TLN2: variants seen among roughly 807,000 people sequenced by gnomAD.
TLN2 encodes talin-2.
TLN2 carries 118 observed loss-of-function variants against 294.7 expected under a neutral mutation model. That is an observed-to-expected ratio of 0.40 (90% CI 0.34 to 0.47). The LOEUF (loss-of-function observed/expected upper bound fraction) is 0.47, where lower values mean the gene tolerates loss of function less well. Ranked by LOEUF, TLN2 falls within the 20% of genes least tolerant of loss-of-function variation. The pLI is 0.84. For synonymous variants in TLN2, 1,431 were observed against 1,304.5 expected, an observed-to-expected ratio of 1.10 and a Z score of -2.09; for missense variants, 3,083 against 3,282.2, an observed-to-expected ratio of 0.94 and a Z score of 1.48.
At chr15:62,571,924 C>T (rs2043897196) in intron 1 of TLN2, among the ~76,000 whole-genome samples, 1 of 152,212 alleles carries the variant, frequency 6.6e-6, no homozygotes, top group African/African-American at 2.4e-5. Flanking sequence ...ATCTTGTGGT[C>T]TATCCTGTAA....
chr15:62,799,533 G>T (rs922407871), intron 48 of TLN2, among the ~76,000 whole-genome samples: 6 of 152,190 alleles, frequency 3.9e-5, no homozygotes, highest in African/African-American at 1.4e-4. Context: ...GTTTATGTGG[G>T]AACGTACCTG....
intron 1 of TLN2, chr15:62,561,617 A>C (rs1382363257): frequency 6.6e-6 from 1 of 152,248 alleles, no homozygotes; most frequent in Non-Finnish European, 1.5e-5. Flanking sequence ...TCCAAGCACT[A>C]ATGAGCCAAG....
intron 3 of TLN2, among the ~76,000 whole-genome samples, chr15:62,633,292 C>G (rs2050085122): frequency 6.6e-6 from 1 of 152,134 alleles, no homozygotes; most frequent in Admixed American, 6.5e-5. Flanking sequence ...TGCATCTATG[C>G]TTATATTTGT....
intron 1 of TLN2, among the ~76,000 whole-genome samples, chr15:62,426,163 T>G (rs2034695495): frequency 6.6e-6 from 1 of 152,176 alleles, no homozygotes; most frequent in Admixed American, 6.5e-5. Flanking sequence ...CATGGGGTGG[T>G]GTCCTAGAGG....
intron 9 of TLN2, among the ~76,000 whole-genome samples, chr15:62,670,767 T>C (rs2055306037): frequency 6.6e-6 from 1 of 152,242 alleles, no homozygotes; most frequent in Non-Finnish European, 1.5e-5. Context: ...GCTGTGAACG[T>C]TTGTGTACAA....
chr15:62,451,110 G>C (rs2036117235), intron 1 of TLN2, among the ~76,000 whole-genome samples: 2 of 152,004 alleles, frequency 1.3e-5, no homozygotes, highest in African/African-American at 4.8e-5. Flanking sequence ...CACTGTGCCT[G>C]ACCTGCCTGG....
chr15:62,575,006 T>C (rs969750516), intron 1 of TLN2, among the ~76,000 whole-genome samples: 2 of 152,142 alleles, frequency 1.3e-5, no homozygotes, highest in Non-Finnish European at 2.9e-5. Flanking sequence ...TCTGAAATCA[T>C]CTGAAAGTTT....
At chr15:62,484,488 C>T (rs571357290) in intron 1 of TLN2, among the ~76,000 whole-genome samples, 11 of 151,928 alleles carry the variant, frequency 7.2e-5, no homozygotes, top group East Asian at 3.9e-4. Context: ...TGCAGTGGCG[C>T]GATCTCGGCT....
chr15:62,557,887 A>C (rs924316807), intron 1 of TLN2, among the ~76,000 whole-genome samples: 1 of 152,200 alleles, frequency 6.6e-6, no homozygotes, highest in African/African-American at 2.4e-5. Context: ...GTGTGCCTAA[A>C]AGCCACAAGC....
At chr15:62,790,215 C>T (rs1262842801) in intron 45 of TLN2, among the ~76,000 whole-genome samples, 1 of 152,192 alleles carries the variant, frequency 6.6e-6, no homozygotes, top group Non-Finnish European at 1.5e-5. Context: ...CACTCAGTCT[C>T]ATTTTTGGCT....
chr15:62,608,421 C>T (rs145483445), intron 2 of TLN2, among the ~76,000 whole-genome samples: 123 of 152,206 alleles, frequency 8.1e-4, no homozygotes, highest in Admixed American at 1.6e-3. Context: ...GTGGAGAGTA[C>T]ACTGAAGAGC....
chr15:62,554,544 T>G (rs908581907), intron 1 of TLN2, among the ~76,000 whole-genome samples: 3 of 151,926 alleles, frequency 2.0e-5, no homozygotes, highest in Non-Finnish European at 4.4e-5. Flanking sequence ...ATAAGTCAGA[T>G]AAATCCTTTC....
intron 1 of TLN2, among the ~76,000 whole-genome samples, chr15:62,577,273 A>G (rs1159685143): frequency 6.6e-6 from 1 of 152,000 alleles, no homozygotes; most frequent in Non-Finnish European, 1.5e-5. Context: ...GAGAAACCCC[A>G]TCTCTACTAA....
intron 28 of TLN2, among the ~76,000 whole-genome samples, chr15:62,735,086 A>C (rs1468156097): frequency 2.6e-5 from 4 of 152,360 alleles, no homozygotes; most frequent in Admixed American, 2.6e-4. Flanking sequence ...TACTGCAAAG[A>C]GCACTATAAA....
intron 3 of TLN2, among the ~76,000 whole-genome samples, chr15:62,624,389 C>G (rs534341562): frequency 1.5e-4 from 23 of 152,314 alleles, no homozygotes; most frequent in African/African-American, 4.3e-4. Flanking sequence ...CCGACTGAAT[C>G]CCATCCTAGG....
chr15:62,542,513 A>G (rs565335743), intron 1 of TLN2, among the ~76,000 whole-genome samples: 2 of 152,198 alleles, frequency 1.3e-5, no homozygotes, highest in South Asian at 2.1e-4. Context: ...TCAGACCACA[A>G]TTGACTGCAG....
At position 62,840,953 on chromosome 15, in the gene TLN2, G is replaced by T; in HGVS notation, c.*343G>T. 5.1e-6 allele frequency: 1 copy of T among 194,912 alleles called. No individual in the cohort carries two copies. Among genetic ancestry groups the T allele is most frequent in the Non-Finnish European group, 1.0e-5 (1 of 96,450 alleles). The allele number at this position is 194,912 out of a possible 1,614,324, so 12.1% of individuals were successfully genotyped here. On this transcript the variant is annotated 3_prime_UTR_variant, in exon 59 of 59. Coordinates refer to ENST00000636159, the MANE Select transcript of TLN2 (RefSeq NM_015059.3). ...TGGCTTTTGTTGGTCCTTCTCTTAGGCCTGCTCCTGGACCTCTTTATGATA... is the reference window on the plus strand; with the variant it reads ...TGGCTTTTGTTGGTCCTTCTCTTAGTCCTGCTCCTGGACCTCTTTATGATA...
chr15:62,514,821 T>C (rs2040105790), intron 1 of TLN2, among the ~76,000 whole-genome samples: 1 of 152,218 alleles, frequency 6.6e-6, no homozygotes, highest in South Asian at 2.1e-4. Context: ...TTTCTATCTT[T>C]ACCCTGTTGG....
intron 1 of TLN2, among the ~76,000 whole-genome samples, chr15:62,550,398 C>T (rs897574707): frequency 7.2e-5 from 11 of 152,124 alleles, no homozygotes; most frequent in African/African-American, 1.7e-4. Context: ...GTCTGCAAGT[C>T]GGCCTCCCAG....
Sources: gnomAD v4.1 joint callset for allele counts (sites outside exome capture counted in the v4.1 genomes callset) on GRCh38, gnomAD v4.1.1 for gene constraint, MANE v1.5 for transcripts, NCBI Gene and HGNC (gene_info 2026-07-23, HGNC 2026-07-21) for gene names.